FAT4: variants seen among roughly 807,000 people sequenced by gnomAD.
The protein encoded by FAT4 is FAT atypical cadherin 4.
Under a neutral mutation model 303.9 loss-of-function variants are expected in FAT4, and 84 were observed. That is an observed-to-expected ratio of 0.28 (90% CI 0.23 to 0.33). The LOEUF (loss-of-function observed/expected upper bound fraction) is 0.33. FAT4 is among the 10% of genes least tolerant of loss of function. The pLI, the probability that FAT4 is intolerant of heterozygous loss-of-function variation, is 1.00. For synonymous variants in FAT4, 2,307 were observed against 2,298.8 expected (o/e 1.00, Z -0.10); for missense variants, 6,005 against 6,146.8 (o/e 0.98, Z 0.77).
At chr4:125,350,529 AG>A (rs1294069565) in intron 2 of FAT4, among the ~76,000 whole-genome samples, 1 of 151,746 alleles carries the variant, frequency 6.6e-6, no homozygotes, top group Non-Finnish European at 1.5e-5. Context: ...AAGACTAGGA[AG>A]GAAGTATGTG....
chr4:125,468,346 A>G (rs1474233026), intron 11 of FAT4, among the ~76,000 whole-genome samples, 166 bp from the exon 12 acceptor site: 2 of 152,228 alleles, frequency 1.3e-5, no homozygotes, highest in African/African-American at 4.8e-5. Context: ...TCATTCATTC[A>G]TAAAGATCAT....
intron 2 of FAT4, among the ~76,000 whole-genome samples, chr4:125,358,973 C>T (rs1422629418): frequency 6.6e-6 from 1 of 152,080 alleles, no homozygotes; most frequent in Admixed American, 6.6e-5. Flanking sequence ...ACATGATTAC[C>T]TTATCATTGT....
chr4:125,316,694 A>G lies in FAT4; in HGVS notation c.283A>G (p.Thr95Ala). Residue 95 changes from threonine to alanine, a missense_variant, in exon 2 of 18, where the codon ACC (threonine) becomes GCC (alanine). Transcript: ENST00000394329. The surrounding 1 kb of genome is among the most constrained non-coding windows in gnomAD (Gnocchi z 5.7). ...CACCGGAGCCCTGTACACCACCTCCACCATCGACCGCGAGAGCCTGCCCAG... is the reference window on the plus strand; with the variant it reads ...CACCGGAGCCCTGTACACCACCTCCGCCATCGACCGCGAGAGCCTGCCCAG... ...SSTGALYTTS[T>A]IDRESLPSDV... 2 of 1,613,456 alleles carry G rather than the reference A, an allele frequency of 1.2e-6. No homozygotes were observed. Among genetic ancestry groups the G allele is most frequent in the South Asian group, 2.2e-5 (2 of 91,062 alleles).
chr4:125,485,053 A>C (rs1727360997), intron 16 of FAT4, among the ~76,000 whole-genome samples: 1 of 151,992 alleles, frequency 6.6e-6, no homozygotes, highest in Non-Finnish European at 1.5e-5. Context: ...GAGGTTTCAC[A>C]TGTTGCCTAA....
At position 125,378,004 on chromosome 4, in the gene FAT4, T is replaced by C. The variant is rs1391299801; in HGVS notation, c.5176-20780T>C. The stretch of plus-strand genomic sequence containing the variant: ...CACGTATGCCCAGGGTTGTATTGCA[T>C]ATTAACACCTGCAAAATAAGGCACA... On this transcript the variant is annotated intron_variant, in intron 2 of 17. Coordinates refer to ENST00000394329, the MANE Select transcript of FAT4 (RefSeq NM_001291303.3). Among the ~76,000 whole-genome samples the C allele has an allele frequency of 5.9e-5, 9 of 152,070 alleles. 1 individual carries two copies. The highest frequency in any genetic ancestry group is 1.3e-4 in the Non-Finnish European group (9 of 67,970).
intron 2 of FAT4, among the ~76,000 whole-genome samples, chr4:125,353,510 T>C (rs994944381): frequency 1.3e-5 from 2 of 151,690 alleles, no homozygotes; most frequent in Non-Finnish European, 3.0e-5. Flanking sequence ...ATATGTTTAG[T>C]ATTCTTTGTC....
In FAT4 at chr4:125,398,855, A is replaced by G. The variant is rs916673350; in HGVS notation, c.5247A>G (p.Val1749=). Residue 1749 remains valine, a synonymous_variant, in exon 3 of 18, where the codon GTA becomes GTG. Transcript: ENST00000394329. ...CAACGGACATGCTGGATCTCACGGTAGAGGAGAACATTGGAGATGGCTCTA... is the reference window on the plus strand; with the variant it reads ...CAACGGACATGCTGGATCTCACGGTGGAGGAGAACATTGGAGATGGCTCTA... ...VFPTDMLDLT[V]EENIGDGSKI... is the part of the protein sequence containing the mutation. 2 of 1,613,194 alleles carry G rather than the reference A, an allele frequency of 1.2e-6. No individual in the cohort carries two copies. The highest frequency in any genetic ancestry group is 1.7e-6 in the Non-Finnish European group (2 of 1,179,264).
At chr4:125,322,001 T>A (rs1448371909) in intron 2 of FAT4, among the ~76,000 whole-genome samples, 1 of 152,158 alleles carries the variant, frequency 6.6e-6, no homozygotes, top group Non-Finnish European at 1.5e-5. Context: ...GGAATCAGCA[T>A]TGTACCATAG....
chr4:125,318,413 C>T lies in FAT4; in HGVS notation c.2002C>T (p.Pro668Ser), dbSNP rs1730745801. The T allele has an allele frequency of 1.2e-6, 2 of 1,614,060 alleles. No homozygotes were observed. Among genetic ancestry groups the T allele is most frequent in the Admixed American group, 3.3e-5 (2 of 60,002 alleles). ...TCTGGCCACAGATCTGGGCTCCCCT[C>T]CCCAGTCATCAATGGCTCGCATAAA... ...LVLATDLGSP[P>S]QSSMARINVS... Residue 668 changes from proline to serine, a missense_variant, in exon 2 of 18, where the codon CCC (proline) becomes TCC (serine). Coordinates refer to ENST00000394329, the MANE Select transcript of FAT4 (RefSeq NM_001291303.3).
chr4:125,368,681 C>T (rs944559015), intron 2 of FAT4, among the ~76,000 whole-genome samples: 33 of 151,502 alleles, frequency 2.2e-4, no homozygotes, highest in African/African-American at 7.7e-4. Context: ...TGACATCTGG[C>T]AATGCCTTAG....
chr4:125,316,403 G>C lies in FAT4; in HGVS notation c.-9G>C, dbSNP rs753957854. The C allele has an allele frequency of 6.3e-7, 1 of 1,599,378 alleles. No homozygotes were observed. ...TCTCTTTATCACATCGTTTTAGGGA[G>C]CCAGGACCATGGACTTAGCACCAGA... is the stretch of plus-strand genomic sequence containing the variant. On this transcript the variant is annotated 5_prime_UTR_variant, in exon 2 of 18. Transcript: ENST00000394329. The surrounding 1 kb of genome is among the most constrained non-coding windows in gnomAD (Gnocchi z 5.7).
At chr4:125,329,711 C>T (rs968841063) in intron 2 of FAT4, among the ~76,000 whole-genome samples, 2 of 152,000 alleles carry the variant, frequency 1.3e-5, no homozygotes, top group African/African-American at 2.4e-5. Flanking sequence ...AGCTTCCTAA[C>T]TGATATTTTA....
At chr4:125,456,041 T>C (rs2126065340) in intron 10 of FAT4, among the ~76,000 whole-genome samples, 1 of 152,296 alleles carries the variant, frequency 6.6e-6, no homozygotes, top group Middle Eastern at 3.4e-3. Flanking sequence ...AGGAGAATGG[T>C]TCCTGCTTTG....
intron 2 of FAT4, among the ~76,000 whole-genome samples, chr4:125,368,267 T>C (rs965547091): frequency 6.6e-6 from 1 of 152,002 alleles, no homozygotes; most frequent in African/African-American, 2.4e-5. Context: ...TTTTCCAGTA[T>C]GACTTAGTGA....
At chr4:125,427,927 A>G (rs980472343) in intron 7 of FAT4, among the ~76,000 whole-genome samples, 3 of 152,166 alleles carry the variant, frequency 2.0e-5, no homozygotes, top group African/African-American at 7.2e-5. Flanking sequence ...AATCGTTTAA[A>G]CTCATTCATT....
At chr4:125,479,236 T>C (rs889068437) in intron 14 of FAT4, among the ~76,000 whole-genome samples, 2 of 152,182 alleles carry the variant, frequency 1.3e-5, no homozygotes, top group Non-Finnish European at 2.9e-5. Flanking sequence ...TGATTTTCTC[T>C]ATAGCTATTT....
At chr4:125,419,959 G>A (rs910338620) in intron 7 of FAT4, among the ~76,000 whole-genome samples, 1 of 152,170 alleles carries the variant, frequency 6.6e-6, no homozygotes, top group Admixed American at 6.5e-5. Flanking sequence ...TGCCATGTTG[G>A]CCTTTTGCAC....
chr4:125,373,900 A>G (rs889355115), intron 2 of FAT4, among the ~76,000 whole-genome samples: 1 of 151,486 alleles, frequency 6.6e-6, no homozygotes. Context: ...CTAGATGAAG[A>G]AAATATCTGT....
intron 7 of FAT4, among the ~76,000 whole-genome samples, chr4:125,434,030 G>A (rs181191309): frequency 5.3e-5 from 8 of 152,144 alleles, no homozygotes; most frequent in East Asian, 3.9e-4. Flanking sequence ...TATACTTTTC[G>A]TGCAGAGTTA....
Sources: allele counts gnomAD v4.1 joint callset (sites outside exome capture counted in the v4.1 genomes callset), GRCh38; gene constraint gnomAD v4.1.1; non-coding constraint Gnocchi (gnomAD v3.1); transcripts MANE v1.5; gene names NCBI Gene and HGNC (gene_info 2026-07-23, HGNC 2026-07-21).